The following AGXT2 variants were observed in gnomAD, a reference collection of about 807,000 sequenced individuals.
AGXT2 encodes the protein alanine--glyoxylate aminotransferase 2, also known as alanine--glyoxylate aminotransferase 2, mitochondrial.
Under a neutral mutation model 62.5 loss-of-function variants are expected in AGXT2, and 61 were observed. The observed-to-expected ratio is 0.98, with a 90% CI of 0.79 to 1.21. The LOEUF is 1.21. Ranked by LOEUF, AGXT2 falls within the 50% of genes most tolerant of loss-of-function variation. The pLI, the probability that AGXT2 is intolerant of heterozygous loss-of-function variation, is 0.00. For synonymous variants in AGXT2, 243 were observed against 218.7 expected (o/e 1.11, Z -0.98); for missense variants, 666 against 641.5 (o/e 1.04, Z -0.41).
chr5:35,023,861 ATATTTATTTATTTATTTATT>A (rs72046873), intron 9 of AGXT2, among the ~76,000 whole-genome samples: 27 of 144,056 alleles, frequency 1.9e-4, no homozygotes, highest in South Asian at 1.4e-3. Flanking sequence ...GCTGTAGGGA[ATATTTATTTATTTATTTATT>A]TATTTATTTA....
intron 9 of AGXT2, among the ~76,000 whole-genome samples, chr5:35,025,101 C>T (rs1432969202): frequency 6.6e-6 from 1 of 152,232 alleles, no homozygotes; most frequent in Non-Finnish European, 1.5e-5. Context: ...TCAGGCCTGG[C>T]ACGGTGGCTC....
intron 13 of AGXT2, among the ~76,000 whole-genome samples, chr5:35,002,146 C>A (rs13174300): frequency 0.3 from 45,855 of 151,860 alleles, 7,785 homozygotes; most frequent in Non-Finnish European, 0.39. Flanking sequence ...GCATGTCTTA[C>A]GATTCATAAT....
chr5:35,033,481 A>T lies in AGXT2; in HGVS notation c.654T>A (p.Pro218=). The part of the protein sequence containing the change: ...TNVGTYKMEL[P]GGTGCQPTMC... ...TCACTGGTTGGCAACCTGTCCCACCAGGGAGTTCCATCTTGTAGGTCCCTA... is the reference window on the plus strand; with the variant it reads ...TCACTGGTTGGCAACCTGTCCCACCTGGGAGTTCCATCTTGTAGGTCCCTA... Residue 218 remains proline, a synonymous_variant, in exon 6 of 14, where the codon CCT becomes CCA. Coordinates refer to ENST00000231420, the MANE Select transcript of AGXT2 (RefSeq NM_031900.4). 6.2e-7 allele frequency: 1 copy of T among 1,613,534 alleles called. No individual in the cohort carries two copies. The highest frequency in any genetic ancestry group is 8.5e-7 in the Non-Finnish European group (1 of 1,179,452).
chr5:35,034,883 A>AGTC lies in AGXT2; in HGVS notation c.581+336_581+338dup, dbSNP rs1767704943. Among the ~76,000 whole-genome samples, 2 of 152,164 alleles carry AGTC rather than the reference A, an allele frequency of 1.3e-5. 1 individual carries two copies. Among genetic ancestry groups the AGTC allele is most frequent in the South Asian group, 4.1e-4 (2 of 4,824 alleles). ...GCCTTGATCTTCTAAGGTGGGGAAC[A>AGTC]GTCATTTACCACTTGGTATATGGTG... On this transcript the variant is annotated intron_variant, in intron 5 of 13. Transcript: ENST00000231420.
intron 3 of AGXT2, among the ~76,000 whole-genome samples, chr5:35,038,597 G>T (rs183941667): frequency 1.3e-5 from 2 of 152,182 alleles, no homozygotes; most frequent in African/African-American, 2.4e-5. Flanking sequence ...TGAGGGGGGG[G>T]ACTCTTTGCC....
At chr5:35,044,508 C>T (rs191964907) in intron 1 of AGXT2, among the ~76,000 whole-genome samples, 2 of 152,320 alleles carry the variant, frequency 1.3e-5, no homozygotes, top group East Asian at 3.9e-4. Flanking sequence ...ATGCCAGGTG[C>T]CTGCATCCGC....
At chr5:35,008,070 C>T (rs1341733737) in intron 12 of AGXT2, among the ~76,000 whole-genome samples, 1 of 152,172 alleles carries the variant, frequency 6.6e-6, no homozygotes. Context: ...TGGTGTCATG[C>T]TTCCTGTATG....
At chr5:35,033,592 C>T (rs1203821034) in intron 5 of AGXT2, 39 bp from the exon 6 acceptor site, 3 of 1,534,272 alleles carry the variant, frequency 2.0e-6, no homozygotes, top group Non-Finnish European at 2.7e-6. Flanking sequence ...GGTCAAGTTC[C>T]TGGTCCACTG....
chr5:35,013,995 G>T lies in AGXT2; in HGVS notation c.1088C>A (p.Thr363Asn). 6.2e-7 allele frequency: 1 copy of T among 1,614,024 alleles called. No individual in the cohort carries two copies. Among genetic ancestry groups the T allele is most frequent in the South Asian group, 1.1e-5 (1 of 91,080 alleles). ...CTGCCTGTGGGTCCTACCTGGAGTG[G>T]TTATGACTGCTGCCATGGGAAAGCC... is the stretch of plus-strand genomic sequence containing the variant. Reference protein sequence around the residue: ...GNGFPMAAVITTPEIAKSLAK... With the variant: ...GNGFPMAAVINTPEIAKSLAK... Residue 363 changes from threonine to asparagine, a missense_variant, in exon 10 of 14, where the codon ACC becomes AAC. Thr to Asn is a moderately conservative substitution (Grantham distance 65). Coordinates refer to ENST00000231420, the MANE Select transcript of AGXT2 (RefSeq NM_031900.4).
intron 7 of AGXT2, among the ~76,000 whole-genome samples, chr5:35,030,933 A>C (rs1767540387): frequency 1.3e-5 from 2 of 152,294 alleles, no homozygotes; most frequent in African/African-American, 2.4e-5. Context: ...GCCTCATCTC[A>C]TGAAGTGCCG....
At chr5:35,016,648 G>A (rs768212094) in intron 9 of AGXT2, among the ~76,000 whole-genome samples, 33 of 152,136 alleles carry the variant, frequency 2.2e-4, no homozygotes, top group African/African-American at 7.2e-4. Flanking sequence ...CCGTCTTCTC[G>A]GTTTGCTTGC....
chr5:35,040,896 C>G (rs1420695633), intron 1 of AGXT2, among the ~76,000 whole-genome samples: 1 of 151,936 alleles, frequency 6.6e-6, no homozygotes, highest in Non-Finnish European at 1.5e-5. Context: ...TACGGCAGTC[C>G]CTCACAAACT....
chr5:35,014,070 G>T lies in AGXT2; in HGVS notation c.1013C>A (p.Thr338Asn), dbSNP rs759753053. The T allele has an allele frequency of 1.9e-5, 31 of 1,614,000 alleles. No individual in the cohort carries two copies. Among genetic ancestry groups the T allele is most frequent in the Non-Finnish European group, 2.5e-5 (29 of 1,180,034 alleles). Residue 338 changes from threonine to asparagine, a missense_variant, in exon 10 of 14, where the codon ACC becomes AAC. Transcript: ENST00000231420. ...RLGSHFWGFQ[T>N]HDVLPDIVTM... ...GACAATGTCAGGCAGGACATCGTGG[G>T]TTTGGAAGCCCCAGAAGTGAGAGCC... is the stretch of plus-strand genomic sequence containing the variant.
chr5:35,039,462 G>C lies in AGXT2; in HGVS notation c.224C>G (p.Ser75Cys). 1 of 1,614,094 alleles carries C rather than the reference G, an allele frequency of 6.2e-7. No individual in the cohort carries two copies. Among genetic ancestry groups the C allele is most frequent in the Non-Finnish European group, 8.5e-7 (1 of 1,179,962 alleles). The change falls in exon 3 of 14, where the codon TCT becomes TGT. Residue 75 changes from serine to cysteine, a missense_variant. Physicochemically the swap from Ser to Cys is moderately radical, Grantham distance 112 (BLOSUM62 -1). Transcript: ENST00000231420. ...CTGGAAATATGCCGTCACCACAGGA[G>C]AAAGATGTTCCTTGTGGATTTCCAG... ...RVLEIHKEHLSPVVTAYFQKP... is the reference protein window; with the variant it reads ...RVLEIHKEHLCPVVTAYFQKP...
chr5:34,998,961 C>T, intron 13 of AGXT2, 135 bp from the exon 14 acceptor site: 1 of 723,170 alleles, frequency 1.4e-6, no homozygotes, highest in Non-Finnish European at 2.4e-6. Flanking sequence ...GGTTCCTCCT[C>T]CATCCCCAAT....
chr5:35,014,266 A>C (rs1766761474), intron 9 of AGXT2, 147 bp from the exon 10 acceptor site: 2 of 1,066,554 alleles, frequency 1.9e-6, no homozygotes, highest in African/African-American at 3.2e-5. Context: ...AGCCTGGCCA[A>C]GATGGTGAAA....
In AGXT2 at chr5:35,011,417, G is replaced by A. The variant is rs369005645; in HGVS notation, c.1189-1268C>T. On this transcript the variant is annotated intron_variant, in intron 11 of 13. Coordinates refer to ENST00000231420, the MANE Select transcript of AGXT2 (RefSeq NM_031900.4). Reference sequence around the variant, plus strand: ...AGAGGTTGCAGTGAGCCAAAGTTGTGCCCCTGCACTCCAGTCTGGGTGACA... The same window carrying A: ...AGAGGTTGCAGTGAGCCAAAGTTGTACCCCTGCACTCCAGTCTGGGTGACA... 9.5e-4 allele frequency among the ~76,000 whole-genome samples: 139 copies of A among 145,602 alleles called. 1 individual carries two copies. The South Asian group carries it at 0.029, about 31-fold the overall frequency.
intron 7 of AGXT2, among the ~76,000 whole-genome samples, chr5:35,029,265 A>C (rs1313629947): frequency 6.6e-6 from 1 of 152,224 alleles, no homozygotes; most frequent in Non-Finnish European, 1.5e-5. Context: ...TGACCCTAAA[A>C]GATGGATCAG....
intron 3 of AGXT2, among the ~76,000 whole-genome samples, chr5:35,037,633 G>T (rs1255474972): frequency 6.6e-6 from 1 of 151,950 alleles, no homozygotes; most frequent in Non-Finnish European, 1.5e-5. Context: ...GTGCACTGCA[G>T]CCTCAATTCC....
Sources: allele counts gnomAD v4.1 joint callset (sites outside exome capture counted in the v4.1 genomes callset), GRCh38; gene constraint gnomAD v4.1.1; transcripts MANE v1.5; gene names NCBI Gene and HGNC (gene_info 2026-07-23, HGNC 2026-07-21).